PDE4D: variants seen among roughly 807,000 people sequenced by gnomAD.
PDE4D encodes the protein phosphodiesterase 4D.
A neutral mutation model predicts 87.4 loss-of-function variants in PDE4D; 24 were observed. The ratio of observed to expected loss-of-function variants is 0.27; its 90% CI spans 0.20 to 0.39. The LOEUF (loss-of-function observed/expected upper bound fraction) is 0.39, where lower values mean the gene tolerates loss of function less well. PDE4D is among the 10% of genes least tolerant of loss of function. The pLI is 1.00. For missense variants in PDE4D, 714 were observed against 1,041.0 expected (o/e 0.69, Z 4.32); for synonymous variants, 384 against 383.2 (o/e 1.00, Z -0.02).
At chr5:59,484,429 TATC>T (rs1388801452) in intron 1 of PDE4D, among the ~76,000 whole-genome samples, 1 of 152,198 alleles carries the variant, frequency 6.6e-6, no homozygotes, top group Non-Finnish European at 1.5e-5. Context: ...TTGACTCCCC[TATC>T]ATTTGAGTGT....
chr5:60,109,937 A>G (rs903582893), intron 2 of PDE4D, among the ~76,000 whole-genome samples: 3 of 152,010 alleles, frequency 2.0e-5, no homozygotes, highest in African/African-American at 4.8e-5. Context: ...GGTGCAGCAC[A>G]CCAGCATGGC....
At chr5:59,644,512 C>T (rs145419221) in intron 1 of PDE4D, among the ~76,000 whole-genome samples, 20 of 152,270 alleles carry the variant, frequency 1.3e-4, no homozygotes, top group African/African-American at 4.6e-4. Context: ...ATATTTTGCT[C>T]TGCAGATTGT....
chr5:59,335,477 A>G (rs949266072), intron 1 of PDE4D, among the ~76,000 whole-genome samples: 1 of 152,166 alleles, frequency 6.6e-6, no homozygotes, highest in Non-Finnish European at 1.5e-5. Flanking sequence ...CTAAAAATAC[A>G]TAGTTTTTGC....
chr5:60,218,791 TC>T (rs1562230194), intron 1 of PDE4D, among the ~76,000 whole-genome samples: 1 of 152,054 alleles, frequency 6.6e-6, no homozygotes, highest in African/African-American at 2.4e-5. Context: ...TCTTTCTTGA[TC>T]CACAAGATCA....
At chr5:59,216,079 A>G in intron 1 of PDE4D, 111 bp from the exon 2 acceptor site, 1 of 679,500 alleles carries the variant, frequency 1.5e-6, no homozygotes, top group East Asian at 2.7e-5. Context: ...CAGGAATGAA[A>G]ATTACAGCTA....
intron 1 of PDE4D, among the ~76,000 whole-genome samples, chr5:60,201,466 G>A (rs1255882188): frequency 6.6e-6 from 1 of 151,982 alleles, no homozygotes; most frequent in Non-Finnish European, 1.5e-5. Context: ...TAAAAAACAT[G>A]TTTCTAAAGA....
At chr5:59,173,211 C>G (rs777148272) in intron 5 of PDE4D, among the ~76,000 whole-genome samples, 1 of 152,070 alleles carries the variant, frequency 6.6e-6, no homozygotes, top group East Asian at 1.9e-4. Flanking sequence ...ATTATTTCCC[C>G]TCATAATTAG....
chr5:60,067,311 T>C (rs1235740926), intron 2 of PDE4D, among the ~76,000 whole-genome samples: 1 of 152,050 alleles, frequency 6.6e-6, no homozygotes, highest in African/African-American at 2.4e-5. Context: ...GACACACCTT[T>C]GCAAATATAA....
At chr5:60,015,364 T>C (rs775316302) in intron 2 of PDE4D, among the ~76,000 whole-genome samples, 1 of 152,102 alleles carries the variant, frequency 6.6e-6, no homozygotes, top group Non-Finnish European at 1.5e-5. Flanking sequence ...AGGTTGTAGT[T>C]TTCTTCCCCT....
At chr5:59,716,482 C>T (rs1010252161) in intron 1 of PDE4D, among the ~76,000 whole-genome samples, 3 of 152,240 alleles carry the variant, frequency 2.0e-5, no homozygotes, top group South Asian at 2.1e-4. Context: ...CCTCATACAC[C>T]GATTGCCAGA....
At chr5:60,313,144 G>A (rs1583386669) in intron 1 of PDE4D, among the ~76,000 whole-genome samples, 1 of 151,834 alleles carries the variant, frequency 6.6e-6, no homozygotes, top group Non-Finnish European at 1.5e-5. Context: ...CCAGGAGTTG[G>A]TTTTTTGAAA....
chr5:60,344,333 T>C lies in PDE4D; in HGVS notation c.-90+143609A>G, dbSNP rs550346480. On this transcript the variant is annotated intron_variant, in intron 1 of 16. Transcript: ENST00000502484. ...AAGTTTATACTTCAGTCAATAACAA[T>C]AGAGCTCTCTATTCGTTAGTTTTGG... Among the ~76,000 whole-genome samples the C allele has an allele frequency of 9.2e-5, 14 of 152,236 alleles. No individual in the cohort carries two copies. The South Asian group carries it at 2.9e-3, about 32-fold the overall frequency.
At chr5:59,255,888 G>C (rs544075573) in intron 1 of PDE4D, among the ~76,000 whole-genome samples, 1 of 152,194 alleles carries the variant, frequency 6.6e-6, no homozygotes, top group South Asian at 2.1e-4. Context: ...TCATACTAGA[G>C]AGGTCTTCCT....
At chr5:59,175,781 ATTTTTTTT>A (rs57572403) in intron 5 of PDE4D, among the ~76,000 whole-genome samples, 20 of 94,572 alleles carry the variant, frequency 2.1e-4, no homozygotes, top group Admixed American at 2.3e-4. Context: ...CCCGGCCTCC[ATTTTTTTT>A]TTTTTTTTTT....
intron 1 of PDE4D, among the ~76,000 whole-genome samples, chr5:59,326,446 A>G (rs1295233241): frequency 6.6e-6 from 1 of 152,090 alleles, no homozygotes; most frequent in Non-Finnish European, 1.5e-5. Flanking sequence ...CCCCCCCAAG[A>G]CACATATAAC....
chr5:60,465,947 T>A (rs1317798937), intron 1 of PDE4D, among the ~76,000 whole-genome samples: 1 of 151,716 alleles, frequency 6.6e-6, no homozygotes, highest in Non-Finnish European at 1.5e-5. Context: ...ACAGAGTAAT[T>A]CAACAGGAAG....
At chr5:59,870,574 T>C (rs1159710187) in intron 1 of PDE4D, among the ~76,000 whole-genome samples, 1 of 152,164 alleles carries the variant, frequency 6.6e-6, no homozygotes, top group Admixed American at 6.5e-5. Context: ...CTACATAAAA[T>C]TGGAAAAGAA....
At chr5:60,149,960 T>C (rs1407315738) in intron 2 of PDE4D, among the ~76,000 whole-genome samples, 1 of 147,214 alleles carries the variant, frequency 6.8e-6, no homozygotes, top group South Asian at 2.1e-4. Flanking sequence ...GTATATATAC[T>C]AGTATATATA....
chr5:60,521,935 GAA>G (rs10546225), intron 1 of PDE4D: 23,169 of 142,834 alleles, frequency 0.16, 5,141 homozygotes, highest in African/African-American at 0.5. Flanking sequence ...TGACCTGCAG[GAA>G]AAAAAAAAAA....
Sources: gnomAD v4.1 joint callset for allele counts (sites outside exome capture counted in the v4.1 genomes callset) on GRCh38, gnomAD v4.1.1 for gene constraint, MANE v1.5 for transcripts, NCBI Gene and HGNC (gene_info 2026-07-23, HGNC 2026-07-21) for gene names.